The following PCDHA2 variants were observed in gnomAD, a reference collection of about 807,000 sequenced individuals.
The protein encoded by PCDHA2 is protocadherin alpha 2.
A neutral mutation model predicts 66.0 loss-of-function variants in PCDHA2; 58 were observed. The ratio of observed to expected loss-of-function variants is 0.88; its 90% CI spans 0.71 to 1.09. The LOEUF (loss-of-function observed/expected upper bound fraction) is 1.09. Ranked by LOEUF, PCDHA2 falls within the 50% of genes least tolerant of loss-of-function variation. The probability of loss-of-function intolerance (pLI) is 0.00; values close to 1 mark genes in which losing one functional copy is unlikely to be tolerated. For missense variants in PCDHA2, 1,267 were observed against 1,242.3 expected (o/e 1.02, Z -0.30); for synonymous variants, 634 against 554.0 (o/e 1.14, Z -2.03).
At chr5:140,884,321 G>A in intron 1 of PCDHA2, 1 of 1,613,854 alleles carries the variant, frequency 6.2e-7, no homozygotes, top group Non-Finnish European at 8.5e-7. Context: ...GGCGTCGGCA[G>A]GCGCTGTGGG....
At chr5:140,830,048 G>A (rs2150180232) in intron 1 of PCDHA2, 1 of 1,613,792 alleles carries the variant, frequency 6.2e-7, no homozygotes, top group South Asian at 1.1e-5. Context: ...GCTGGTGAAA[G>A]ACCACGGTGA....
intron 1 of PCDHA2, chr5:140,802,535 C>A (rs114741177): frequency 1.2e-6 from 2 of 1,614,142 alleles, no homozygotes; most frequent in South Asian, 2.2e-5. Flanking sequence ...TGGAGGTGGC[C>A]GACGTGAACG....
At chr5:140,969,553 G>T in intron 1 of PCDHA2, 1 of 1,229,652 alleles carries the variant, frequency 8.1e-7, no homozygotes, top group Non-Finnish European at 1.1e-6. Flanking sequence ...ATGAAGCCTT[G>T]TCCATAAAAT....
At chr5:140,945,304 C>T (rs993719774) in intron 1 of PCDHA2, among the ~76,000 whole-genome samples, 3 of 151,880 alleles carry the variant, frequency 2.0e-5, no homozygotes, top group African/African-American at 7.3e-5. Flanking sequence ...TTGAAGAAGA[C>T]ACAAATAAAT....
chr5:140,907,364 C>T (rs1042794275), intron 1 of PCDHA2, among the ~76,000 whole-genome samples: 5 of 152,122 alleles, frequency 3.3e-5, no homozygotes, highest in East Asian at 1.9e-4. Context: ...CTTCTTTAGT[C>T]GTAAAGTGAG....
intron 1 of PCDHA2, among the ~76,000 whole-genome samples, chr5:140,901,404 G>C (rs1047085666): frequency 6.6e-6 from 1 of 152,166 alleles, no homozygotes; most frequent in East Asian, 1.9e-4. Flanking sequence ...GTGAGAGATA[G>C]GGGTCTAGTT....
chr5:140,982,661 T>C, intron 3 of PCDHA2, 98 bp downstream of exon 3: 1 of 1,482,624 alleles, frequency 6.7e-7, no homozygotes, highest in Admixed American at 2.6e-5. Flanking sequence ...TCTTTTTCTT[T>C]TATATTTTTG....
At chr5:140,800,072 T>C (rs1762503316) in intron 1 of PCDHA2, among the ~76,000 whole-genome samples, 1 of 152,178 alleles carries the variant, frequency 6.6e-6, no homozygotes. Context: ...TTAAAAAAAC[T>C]GGAATCTAGA....
In PCDHA2 at chr5:140,871,231, C is replaced by A. The variant is rs371096811; in HGVS notation, c.2388+73879C>A. The A allele has an allele frequency of 1.9e-6, 3 of 1,613,814 alleles. No individual in the cohort carries two copies. The African/African-American group carries it at 4.0e-5, about 22-fold the overall frequency. On this transcript the variant is annotated intron_variant, in intron 1 of 3. Coordinates refer to ENST00000526136, the MANE Select transcript of PCDHA2 (RefSeq NM_018905.3). ...CGCCATCTGCGTGGTGTCCAGCCTC[C>A]TGGTACTCACGCTGCTGCTGTATAC...
chr5:140,848,742 A>T (rs2150419290), intron 1 of PCDHA2: 2 of 1,593,114 alleles, frequency 1.3e-6, no homozygotes, highest in South Asian at 2.2e-5. Context: ...GCAGAATGGC[A>T]TTTTGTTTGT....
chr5:140,926,903 G>GT, intron 1 of PCDHA2: 1 of 1,558,060 alleles, frequency 6.4e-7, no homozygotes, highest in Non-Finnish European at 8.7e-7. Context: ...ATGGTGGGCT[G>GT]TGGGGTGGCA....
intron 1 of PCDHA2, chr5:140,968,519 A>G (rs1030847582): frequency 1.2e-6 from 2 of 1,614,008 alleles, no homozygotes; most frequent in South Asian, 1.1e-5. Flanking sequence ...CCCTACCTCA[A>G]CCAACTCGTC....
Position 140,796,080 on chromosome 5 carries a change from C to G in PCDHA2, c.1116C>G (p.Ile372Met), listed in dbSNP as rs1554119688. ...NASLGTVIAL[I>M]TVSDRDSGTN... ...CCCTGGGCACTGTCATTGCTCTCAT[C>G]ACGGTGTCGGATCGCGACTCTGGTA... Residue 372 changes from isoleucine to methionine, a missense_variant, in exon 1 of 4, where the codon ATC becomes ATG. Coordinates refer to ENST00000526136, the MANE Select transcript of PCDHA2 (RefSeq NM_018905.3). The G allele has an allele frequency of 1.9e-6, 3 of 1,614,222 alleles. No homozygotes were observed. In the East Asian group the frequency reaches 6.7e-5, roughly 36 times the overall value.
chr5:140,883,481 T>C (rs1401240290), intron 1 of PCDHA2: 1 of 1,614,166 alleles, frequency 6.2e-7, no homozygotes, highest in East Asian at 2.2e-5. Flanking sequence ...CAAGAACTAC[T>C]ACTCATTAGT....
At chr5:140,995,647 A>G (rs1419237450) in intron 3 of PCDHA2, among the ~76,000 whole-genome samples, 2 of 152,202 alleles carry the variant, frequency 1.3e-5, no homozygotes, top group African/African-American at 4.8e-5. Context: ...TTAGAAAAGG[A>G]GAATCGAAAA....
At chr5:140,958,375 T>A (rs1554223446) in intron 1 of PCDHA2, among the ~76,000 whole-genome samples, 1 of 152,162 alleles carries the variant, frequency 6.6e-6, no homozygotes, top group Non-Finnish European at 1.5e-5. Flanking sequence ...AATGTTGCTA[T>A]TTTCTTAACA....
At chr5:140,921,071 T>C (rs2080004942) in intron 1 of PCDHA2, among the ~76,000 whole-genome samples, 1 of 152,054 alleles carries the variant, frequency 6.6e-6, no homozygotes, top group Admixed American at 6.6e-5. Flanking sequence ...CCTTGAACTC[T>C]TGGGCTCAAG....
At position 140,803,473 on chromosome 5, in the gene PCDHA2, G is replaced by A. The variant is rs2240694; in HGVS notation, c.2388+6121G>A. On this transcript the variant is annotated intron_variant, in intron 1 of 3. Coordinates refer to ENST00000526136, the MANE Select transcript of PCDHA2 (RefSeq NM_018905.3). ...TCGCAGCAGAGGCAGCAGAGGGTGT[G>A]CTCTGGAGAGGGGTTGCCCAAGACC... 0.53 allele frequency: 850,357 copies of A among 1,613,902 alleles called. 224,676 individuals carry two copies. Among genetic ancestry groups the A allele is most frequent in the Middle Eastern group, 0.58 (3,527 of 6,060 alleles).
At chr5:140,801,479 A>G (rs781793623) in intron 1 of PCDHA2, 33 of 1,613,962 alleles carry the variant, frequency 2.0e-5, no homozygotes, top group South Asian at 1.5e-4. Flanking sequence ...ACCGCGAGGA[A>G]CTGTGCGGGC....
Sources: gnomAD v4.1 joint callset for allele counts (sites outside exome capture counted in the v4.1 genomes callset) on GRCh38, gnomAD v4.1.1 for gene constraint, MANE v1.5 for transcripts, NCBI Gene and HGNC (gene_info 2026-07-23, HGNC 2026-07-21) for gene names.